Variants in SH2D1A observed in about 807,000 individuals in gnomAD.
The protein encoded by SH2D1A is SH2 domain-containing protein 1A.
In SH2D1A, 6 loss-of-function variants were observed where a neutral mutation model predicts 10.1. That is an observed-to-expected ratio of 0.60 (90% CI 0.33 to 1.18). The LOEUF (loss-of-function observed/expected upper bound fraction) is 1.18, where lower values mean the gene tolerates loss of function less well. Ranked by LOEUF, SH2D1A falls within the 50% of genes most tolerant of loss-of-function variation. The pLI is 0.04. For synonymous variants in SH2D1A, 42 were observed against 36.9 expected (o/e 1.14, Z -0.51); for missense variants, 51 against 97.6 (o/e 0.52, Z 2.01).
chrX:124,372,251 T>C lies in SH2D1A; in HGVS notation c.*860T>C, dbSNP rs1057515764. 4 of 164,945 alleles carry C rather than the reference T, an allele frequency of 2.4e-5. No individual in the cohort carries two copies. The highest frequency in any genetic ancestry group is 4.6e-5 in the Non-Finnish European group (4 of 86,107). The allele number at this position is 164,945 out of a possible 1,213,427, so 13.6% of individuals were successfully genotyped here. ...CTGGAAAGTTTATGGTTGTATTATT[T>C]TTTAAAAAAATTCCAAGTGATTGAA... On this transcript the variant is annotated 3_prime_UTR_variant, in exon 4 of 4. Coordinates refer to ENST00000371139, the MANE Select transcript of SH2D1A (RefSeq NM_002351.5).
chrX:124,364,099 G>T (rs1343882255), intron 1 of SH2D1A, among the ~76,000 whole-genome samples: 1 of 109,189 alleles, frequency 9.2e-6, no homozygotes, highest in Non-Finnish European at 1.9e-5. Flanking sequence ...ACAGCCTCGG[G>T]CAGGTCCCTC....
intron 1 of SH2D1A, among the ~76,000 whole-genome samples, chrX:124,362,906 T>C (rs1227534246): frequency 9.0e-6 from 1 of 110,635 alleles, no homozygotes; most frequent in Non-Finnish European, 1.9e-5. Flanking sequence ...TCTGATAGGA[T>C]TGGGGGCCTT....
At chrX:124,358,429 A>G (rs57841929) in intron 1 of SH2D1A, among the ~76,000 whole-genome samples, 1,535 of 111,995 alleles carry the variant, frequency 0.014, 31 homozygotes, top group African/African-American at 0.047. Flanking sequence ...ATGGACAGGG[A>G]CAGAGTATGT....
rs1488638073 is a variant in SH2D1A at position 124,346,762 on chromosome X, G to A, written c.120G>A (p.Val40=). The A allele has an allele frequency of 8.3e-7, 1 of 1,211,670 alleles. No homozygotes were observed. The highest frequency in any genetic ancestry group is 1.7e-5 in the African/African-American group (1 of 57,886). The change falls in exon 1 of 4, where the codon GTG becomes GTA. Residue 40 remains valine, a synonymous_variant. Coordinates refer to ENST00000371139, the MANE Select transcript of SH2D1A (RefSeq NM_002351.5). ...LLRDSESVPG[V]YCLCVLYHGY... is the part of the protein sequence containing the mutation. ...GGGACAGCGAGAGCGTGCCAGGCGT[G>A]TACTGCCTATGTGTGCTGTGAGTAT...
chrX:124,350,289 A>AATAT, intron 1 of SH2D1A, among the ~76,000 whole-genome samples: 1 of 22,232 alleles, frequency 4.5e-5, no homozygotes, highest in African/African-American at 4.4e-4. Flanking sequence ...ATATTATATA[A>AATAT]TATATAATAT....
chrX:124,369,503 A>G (rs1444235368), intron 2 of SH2D1A, among the ~76,000 whole-genome samples: 1 of 112,196 alleles, frequency 8.9e-6, no homozygotes, highest in African/African-American at 3.2e-5. Flanking sequence ...TTCATGTCAT[A>G]GAGAAAACCT....
intron 1 of SH2D1A, among the ~76,000 whole-genome samples, chrX:124,356,060 C>T (rs1455041443): frequency 1.2e-5 from 1 of 81,134 alleles, no homozygotes; most frequent in South Asian, 9.8e-4. Context: ...TCCCTCCCCC[C>T]ACCCCAGGAC....
intron 1 of SH2D1A, among the ~76,000 whole-genome samples, chrX:124,350,552 TTA>T (rs757285853): frequency 8.0e-4 from 41 of 51,352 alleles, no homozygotes; most frequent in African/African-American, 2.5e-3. Flanking sequence ...ATATACTATA[TTA>T]TATATAGTAT....
At chrX:124,357,055 C>A (rs770204306) in intron 1 of SH2D1A, among the ~76,000 whole-genome samples, 1 of 111,442 alleles carries the variant, frequency 9.0e-6, no homozygotes, top group South Asian at 3.8e-4. Context: ...ACTATAGTTG[C>A]CACGTTGTAC....
At chrX:124,349,118 T>C (rs777986174) in intron 1 of SH2D1A, among the ~76,000 whole-genome samples, 3 of 112,291 alleles carry the variant, frequency 2.7e-5, no homozygotes, top group Non-Finnish European at 5.6e-5. Flanking sequence ...ATGCAGTTTT[T>C]ATGACTCTTA....
intron 1 of SH2D1A, among the ~76,000 whole-genome samples, chrX:124,358,833 T>TG (rs2060032452): frequency 8.9e-6 from 1 of 111,845 alleles, no homozygotes; most frequent in Non-Finnish European, 1.9e-5. Flanking sequence ...ATCCAGATTC[T>TG]GATTTAACAG....
chrX:124,370,198 G>T lies in SH2D1A; in HGVS notation c.224G>T (p.Arg75Ile). The part of the protein sequence containing the change: ...SAETAPGVHK[R>I]YFRKIKNLIS... The stretch of plus-strand genomic sequence containing the variant: ...CAGACAGCACCTGGGGTACATAAAA[G>T]ATATTTCCGGAAAATAAAAAATCTC... Residue 75 changes from arginine (R) to isoleucine (I), a missense_variant, in exon 3 of 4, where the codon AGA becomes ATA. By Grantham distance (97) the Arg-to-Ile change is moderately conservative (BLOSUM62 -3). Coordinates refer to ENST00000371139, the MANE Select transcript of SH2D1A (RefSeq NM_002351.5). 1 of 1,203,997 alleles carries T rather than the reference G, an allele frequency of 8.3e-7. No homozygotes were observed. Among genetic ancestry groups the T allele is most frequent in the Non-Finnish European group, 1.1e-6 (1 of 888,600 alleles).
chrX:124,348,025 A>G (rs910345446), intron 1 of SH2D1A, among the ~76,000 whole-genome samples: 2 of 111,855 alleles, frequency 1.8e-5, no homozygotes, highest in Non-Finnish European at 3.8e-5. Flanking sequence ...CAGTGAAGAA[A>G]GATTATCCTG....
chrX:124,351,560 C>G (rs1478291840), intron 1 of SH2D1A, among the ~76,000 whole-genome samples: 3 of 110,583 alleles, frequency 2.7e-5, no homozygotes, highest in Non-Finnish European at 5.7e-5. Flanking sequence ...TTTCACCACA[C>G]CCTCACTAGA....
At chrX:124,351,831 T>G (rs886120553) in intron 1 of SH2D1A, among the ~76,000 whole-genome samples, 1 of 110,859 alleles carries the variant, frequency 9.0e-6, no homozygotes, top group Admixed American at 9.7e-5. Flanking sequence ...CTTGATCTAT[T>G]GCAAGGTATC....
intron 1 of SH2D1A, among the ~76,000 whole-genome samples, 158 bp from the exon 2 acceptor site, chrX:124,365,603 A>C (rs1194933273): frequency 9.0e-6 from 1 of 111,649 alleles, no homozygotes; most frequent in Non-Finnish European, 1.9e-5. Context: ...CAATATGGAG[A>C]CAAGTTAGAT....
intron 1 of SH2D1A, among the ~76,000 whole-genome samples, chrX:124,348,988 A>C (rs1339100603): frequency 2.7e-5 from 3 of 112,560 alleles, no homozygotes; most frequent in Non-Finnish European, 5.6e-5. Flanking sequence ...TACCTTATGC[A>C]AGAGAGAAGG....
chrX:124,353,396 ATATTT>A (rs1228522075), intron 1 of SH2D1A, among the ~76,000 whole-genome samples: 3 of 111,481 alleles, frequency 2.7e-5, no homozygotes, highest in Non-Finnish European at 3.8e-5. Flanking sequence ...TGTTTCCACT[ATATTT>A]TCTGTTTCAT....
At position 124,350,707 on chromosome X, in the gene SH2D1A, A is replaced by G. The variant is rs2060011032; in HGVS notation, c.137+3928A>G. On this transcript the variant is annotated intron_variant, in intron 1 of 3. Coordinates refer to ENST00000371139, the MANE Select transcript of SH2D1A (RefSeq NM_002351.5). The stretch of plus-strand genomic sequence containing the variant: ...TATTATATATTGTATATAAGATAAT[A>G]TATTATATATTGTATATAAGATATA... 7.7e-5 allele frequency among the ~76,000 whole-genome samples: 2 copies of G among 25,891 alleles called. 1 individual carries two copies. Among genetic ancestry groups the G allele is most frequent in the Non-Finnish European group, 1.0e-4 (2 of 19,518 alleles). 22.5% of individuals were successfully genotyped at this position (25,891 alleles called of 115,157 possible).
Sources: gnomAD v4.1 joint callset for allele counts (sites outside exome capture counted in the v4.1 genomes callset) on GRCh38, gnomAD v4.1.1 for gene constraint, MANE v1.5 for transcripts, NCBI Gene and HGNC (gene_info 2026-07-23, HGNC 2026-07-21) for gene names.